Variants in CLYBL observed in about 807,000 individuals in gnomAD.
CLYBL encodes the protein citramalyl-CoA lyase.
A neutral mutation model predicts 38.9 loss-of-function variants in CLYBL; 31 were observed. That is an observed-to-expected ratio of 0.80 (90% confidence interval 0.60 to 1.08). The LOEUF (loss-of-function observed/expected upper bound fraction) is 1.08. Ranked by LOEUF, CLYBL falls within the 50% of genes least tolerant of loss-of-function variation. The probability of loss-of-function intolerance (pLI) is 0.00; values close to 1 mark genes in which losing one functional copy is unlikely to be tolerated. For synonymous variants in CLYBL, 171 were observed against 158.6 expected (o/e 1.08, Z -0.59); for missense variants, 434 against 411.6 (o/e 1.05, Z -0.47).
At chr13:99,742,144 G>A (rs1200625998) in intron 1 of CLYBL, among the ~76,000 whole-genome samples, 2 of 152,174 alleles carry the variant, frequency 1.3e-5, no homozygotes, top group African/African-American at 2.4e-5. Context: ...ACCTTGGAAC[G>A]TGTTTACTGA....
intron 2 of CLYBL, among the ~76,000 whole-genome samples, chr13:99,828,973 A>G (rs72653973): frequency 0.061 from 9,264 of 152,260 alleles, 305 homozygotes; most frequent in East Asian, 0.16. Context: ...AGACAGGGCT[A>G]TGAACCCACG....
intron 2 of CLYBL, among the ~76,000 whole-genome samples, chr13:99,796,200 T>A (rs759693832): frequency 1.3e-5 from 2 of 152,180 alleles, no homozygotes; most frequent in Non-Finnish European, 2.9e-5. Flanking sequence ...ATTGGGCTGC[T>A]TCACTGGAGA....
At chr13:99,824,950 C>T (rs1233229211) in intron 2 of CLYBL, among the ~76,000 whole-genome samples, 3 of 152,172 alleles carry the variant, frequency 2.0e-5, no homozygotes, top group South Asian at 2.1e-4. Flanking sequence ...CCCCCTGCCC[C>T]CCACTCTTCA....
chr13:99,902,157 G>A (rs572707166), intron 8 of CLYBL, among the ~76,000 whole-genome samples: 1 of 152,278 alleles, frequency 6.6e-6, no homozygotes, highest in South Asian at 2.1e-4. Flanking sequence ...CTCATAAAAT[G>A]TAATTTCTAT....
chr13:99,698,969 T>G (rs1449205174), intron 1 of CLYBL, among the ~76,000 whole-genome samples: 1 of 152,214 alleles, frequency 6.6e-6, no homozygotes, highest in Non-Finnish European at 1.5e-5. Flanking sequence ...TGATTAAATG[T>G]TTTTAAAACG....
At chr13:99,833,022 A>ATATG in intron 2 of CLYBL, among the ~76,000 whole-genome samples, 1 of 37,458 alleles carries the variant, frequency 2.7e-5, no homozygotes, top group Admixed American at 3.0e-4. Context: ...ATATATATAT[A>ATATG]TATATATATT....
chr13:99,761,583 T>C (rs1005553176), intron 1 of CLYBL, among the ~76,000 whole-genome samples: 42 of 152,190 alleles, frequency 2.8e-4, no homozygotes, highest in Admixed American at 2.5e-3. Flanking sequence ...GACACTTTGA[T>C]TGGTTCCATA....
chr13:99,810,770 G>A (rs2050325253), intron 2 of CLYBL, among the ~76,000 whole-genome samples: 1 of 152,148 alleles, frequency 6.6e-6, no homozygotes, highest in Non-Finnish European at 1.5e-5. Flanking sequence ...GAGAAGAGTG[G>A]AGGGTGATGA....
At chr13:99,908,392 A>G (rs1002326559) in exon 10 of CLYBL, among the ~76,000 whole-genome samples, 2 of 152,250 alleles carry the variant, frequency 1.3e-5, no homozygotes, top group African/African-American at 4.8e-5. Flanking sequence ...AAGAAAGACC[A>G]GAAGCCAAGT....
At chr13:99,697,782 G>A (rs562588143) in intron 1 of CLYBL, among the ~76,000 whole-genome samples, 1 of 150,644 alleles carries the variant, frequency 6.6e-6, no homozygotes, top group East Asian at 2.0e-4. Context: ...GAGCAGCTGG[G>A]AGTACAGGCA....
chr13:99,722,256 G>A (rs1179553014), intron 1 of CLYBL, among the ~76,000 whole-genome samples: 1 of 152,064 alleles, frequency 6.6e-6, no homozygotes, highest in Non-Finnish European at 1.5e-5. Flanking sequence ...CTTTCCCCAG[G>A]GGTGTTGACA....
At position 99,785,190 on chromosome 13, in the gene CLYBL, GCTT is replaced by G. The variant is rs1428533924; in HGVS notation, c.249+12181_249+12183del. On this transcript the variant is annotated intron_variant, in intron 2 of 8. Coordinates refer to ENST00000339105, the MANE Select transcript of CLYBL (RefSeq NM_206808.5). Reference sequence around the variant, plus strand: ...TTACAGACTTGAGCCACCCCGCCTGGCTTTTTTTTTTTTTTTTTTTTTTTTTTT... The same window carrying G: ...TTACAGACTTGAGCCACCCCGCCTGGTTTTTTTTTTTTTTTTTTTTTTTTT... Among the ~76,000 whole-genome samples the G allele has an allele frequency of 6.2e-5, 6 of 97,436 alleles. No individual in the cohort carries two copies. The East Asian group carries it at 1.9e-3, about 31-fold the overall frequency. The allele number at this position is 97,436 out of a possible 152,430, so 63.9% of individuals were successfully genotyped here.
chr13:99,756,031 C>T (rs533453741), intron 1 of CLYBL, among the ~76,000 whole-genome samples: 15 of 152,310 alleles, frequency 9.8e-5, no homozygotes, highest in African/African-American at 3.6e-4. Flanking sequence ...AACAAAGGCA[C>T]GTTTATTATC....
At chr13:99,774,977 T>C (rs1417863604) in intron 2 of CLYBL, among the ~76,000 whole-genome samples, 1 of 152,206 alleles carries the variant, frequency 6.6e-6, no homozygotes, top group Non-Finnish European at 1.5e-5. Flanking sequence ...ATTTCTTATC[T>C]GTACTGTAGG....
chr13:99,888,469 G>A (rs767999379), intron 7 of CLYBL, among the ~76,000 whole-genome samples: 62 of 152,204 alleles, frequency 4.1e-4, no homozygotes, highest in African/African-American at 9.2e-4. Flanking sequence ...TAACCATGAG[G>A]CCATGCGCAG....
At position 99,845,059 on chromosome 13, in the gene CLYBL, G is replaced by T. The variant is rs148145774; in HGVS notation, c.250-13802G>T. ...AATATTGTGAAAGAGAACGTTAGTGGTCCTGAAACTAGGCATATGTTGTAA... is the reference window on the plus strand; with the variant it reads ...AATATTGTGAAAGAGAACGTTAGTGTTCCTGAAACTAGGCATATGTTGTAA... On this transcript the variant is annotated intron_variant, in intron 2 of 8. Coordinates refer to ENST00000339105, the MANE Select transcript of CLYBL (RefSeq NM_206808.5). 1.9e-3 allele frequency among the ~76,000 whole-genome samples: 284 copies of T among 152,272 alleles called. 2 individuals carry two copies. Among genetic ancestry groups the T allele is most frequent in the African/African-American group, 6.7e-3 (279 of 41,540 alleles).
At chr13:99,615,179 AG>A (rs2046689812) in intron 1 of CLYBL, among the ~76,000 whole-genome samples, 1 of 152,224 alleles carries the variant, frequency 6.6e-6, no homozygotes, top group Non-Finnish European at 1.5e-5. Flanking sequence ...GCTCAGCCTC[AG>A]CAGTCTCCAG....
chr13:99,782,500 G>T (rs2049679950), intron 2 of CLYBL, among the ~76,000 whole-genome samples: 1 of 152,048 alleles, frequency 6.6e-6, no homozygotes, highest in Non-Finnish European at 1.5e-5. Context: ...ACGAGGCTCT[G>T]TCTTGGGGGG....
At chr13:99,628,187 C>G (rs936703724) in intron 1 of CLYBL, among the ~76,000 whole-genome samples, 2 of 152,152 alleles carry the variant, frequency 1.3e-5, no homozygotes, top group African/African-American at 2.4e-5. Context: ...ATATTTTCCA[C>G]TAGTTATTTC....
Sources: gnomAD v4.1 joint callset for allele counts (sites outside exome capture counted in the v4.1 genomes callset) on GRCh38, gnomAD v4.1.1 for gene constraint, MANE v1.5 for transcripts, NCBI Gene and HGNC (gene_info 2026-07-23, HGNC 2026-07-21) for gene names.